RORA: variants seen among roughly 807,000 people sequenced by gnomAD.
RORA encodes nuclear receptor ROR-alpha.
Under a neutral mutation model 69.5 loss-of-function variants are expected in RORA, and 7 were observed. The observed-to-expected ratio is 0.10, with a 90% CI of 0.06 to 0.19. The LOEUF (loss-of-function observed/expected upper bound fraction) is 0.19, where lower values mean the gene tolerates loss of function less well. Among genes scored for constraint, RORA ranks in the 10% least tolerant of loss-of-function variants. RORA has a pLI of 1.00. For missense variants in RORA, 457 were observed against 663.0 expected (o/e 0.69, Z 3.41); for synonymous variants, 261 against 240.8 (o/e 1.08, Z -0.78).
chr15:61,007,100 T>C (rs956193024), intron 1 of RORA, among the ~76,000 whole-genome samples: 2 of 152,058 alleles, frequency 1.3e-5, no homozygotes, highest in African/African-American at 4.8e-5. Context: ...CTATGGCAAA[T>C]CTATTATAAC....
chr15:61,078,627 A>T (rs754159876), intron 1 of RORA, among the ~76,000 whole-genome samples: 1 of 152,240 alleles, frequency 6.6e-6, no homozygotes, highest in Non-Finnish European at 1.5e-5. Flanking sequence ...TGCAAAAGTC[A>T]TAGTAACAGT....
intron 1 of RORA, among the ~76,000 whole-genome samples, chr15:60,954,031 T>G (rs1409028843): frequency 6.6e-6 from 1 of 151,280 alleles, no homozygotes; most frequent in Non-Finnish European, 1.5e-5. Flanking sequence ...AGCAAAGACT[T>G]GGAACCAACC....
chr15:60,789,920 T>C (rs981767072), intron 1 of RORA, among the ~76,000 whole-genome samples: 1 of 152,224 alleles, frequency 6.6e-6, no homozygotes, highest in Non-Finnish European at 1.5e-5. Flanking sequence ...CAGTCTGTGA[T>C]AGGCACAGCC....
chr15:60,706,873 A>T (rs1395812471), intron 1 of RORA, among the ~76,000 whole-genome samples: 1 of 152,250 alleles, frequency 6.6e-6, no homozygotes, highest in Non-Finnish European at 1.5e-5. Flanking sequence ...AAAGCCTCCA[A>T]GAGAAAATTC....
chr15:60,941,422 G>C (rs567695815), intron 1 of RORA, among the ~76,000 whole-genome samples: 10 of 152,348 alleles, frequency 6.6e-5, no homozygotes, highest in African/African-American at 2.4e-4. Flanking sequence ...TAGGACCCCA[G>C]GGCCAAATCT....
At chr15:60,956,965 A>G (rs1893283867) in intron 1 of RORA, among the ~76,000 whole-genome samples, 1 of 152,224 alleles carries the variant, frequency 6.6e-6, no homozygotes, top group African/African-American at 2.4e-5. Flanking sequence ...TTCTGCATCT[A>G]TGAAATGGTA....
chr15:61,176,389 C>T (rs2079629674), intron 1 of RORA: 1 of 152,212 alleles, frequency 6.6e-6, no homozygotes, highest in Non-Finnish European at 1.5e-5. Flanking sequence ...GCTGGGAGAT[C>T]ACTTGCTTTT....
intron 1 of RORA, among the ~76,000 whole-genome samples, chr15:60,950,313 G>A (rs113658093): frequency 0.22 from 29,156 of 135,466 alleles, 3,617 homozygotes; most frequent in East Asian, 0.45. Flanking sequence ...AGGAACAACC[G>A]GTACCAGCCG....
intron 2 of RORA, among the ~76,000 whole-genome samples, chr15:60,651,378 G>A (rs1030502046): frequency 2.0e-5 from 3 of 152,102 alleles, no homozygotes; most frequent in African/African-American, 7.2e-5. Context: ...GGTTTGTCCA[G>A]ATTTCAACAT....
chr15:61,180,063 G>T (rs1234266460), intron 1 of RORA, among the ~76,000 whole-genome samples: 5 of 139,654 alleles, frequency 3.6e-5, no homozygotes, highest in African/African-American at 1.3e-4. Context: ...AGAATCACTT[G>T]AACCCAGGAG....
chr15:61,135,812 G>T (rs1386956842), intron 1 of RORA, among the ~76,000 whole-genome samples: 2 of 152,160 alleles, frequency 1.3e-5, no homozygotes, highest in Admixed American at 1.3e-4. Flanking sequence ...ACCACACATG[G>T]TCTCACATTA....
intron 1 of RORA, among the ~76,000 whole-genome samples, chr15:61,078,970 C>A (rs927266390): frequency 6.6e-6 from 1 of 152,154 alleles, no homozygotes; most frequent in Admixed American, 6.5e-5. Flanking sequence ...AACCCAGAGT[C>A]CATATGAATG....
At chr15:61,142,903 G>T (rs914261151) in intron 1 of RORA, among the ~76,000 whole-genome samples, 2 of 152,038 alleles carry the variant, frequency 1.3e-5, no homozygotes, top group African/African-American at 4.8e-5. Context: ...CAGCTCAAAA[G>T]CCTAAATCAT....
chr15:60,972,071 T>C lies in RORA; in HGVS notation c.166+256982A>G, dbSNP rs187118611. Among the ~76,000 whole-genome samples the C allele has an allele frequency of 8.3e-4, 127 of 152,346 alleles. 2 individuals carry two copies. The highest frequency in any genetic ancestry group is 6.8e-3 in the Middle Eastern group (2 of 294). On this transcript the variant is annotated intron_variant, in intron 1 of 10. Coordinates refer to ENST00000335670, the MANE Select transcript of RORA (RefSeq NM_134261.3). ...CTTCATCTGTTGTACAGATTAGGCTTCTCTAAGAGATCCGGGAAGAAAATA... is the reference window on the plus strand; with the variant it reads ...CTTCATCTGTTGTACAGATTAGGCTCCTCTAAGAGATCCGGGAAGAAAATA...
In RORA at chr15:60,656,805, C is replaced by T. The variant is rs339999; in HGVS notation, c.196+21852G>A. Among the ~76,000 whole-genome samples the T allele has an allele frequency of 4.2e-3, 640 of 152,330 alleles. 3 individuals are homozygous for T. The highest frequency in any genetic ancestry group is 0.014 in the African/African-American group (582 of 41,576). ...GAAAAGTAACAGATAAATCTGTTGA[C>T]CACCACTCTAGGAGGCCAAGGCCTC... On this transcript the variant is annotated intron_variant, in intron 2 of 10. Coordinates refer to ENST00000335670, the MANE Select transcript of RORA (RefSeq NM_134261.3).
At chr15:60,782,870 A>T (rs974324275) in intron 1 of RORA, among the ~76,000 whole-genome samples, 4 of 152,268 alleles carry the variant, frequency 2.6e-5, no homozygotes, top group Non-Finnish European at 5.9e-5. Context: ...CTCAAATGCT[A>T]TAGGCATTGA....
chr15:60,751,196 A>G (rs2071718402), intron 1 of RORA, among the ~76,000 whole-genome samples: 1 of 152,146 alleles, frequency 6.6e-6, no homozygotes, highest in African/African-American at 2.4e-5. Flanking sequence ...CTCTCTCTAC[A>G]ACCTGTCCAT....
At chr15:60,714,393 T>G (rs1327647563) in intron 1 of RORA, among the ~76,000 whole-genome samples, 1 of 147,626 alleles carries the variant, frequency 6.8e-6, no homozygotes, top group Non-Finnish European at 1.5e-5. Context: ...TGAGATGGAG[T>G]CTTGCTCTGT....
chr15:60,592,876 CA>C, intron 2 of RORA: 1 of 460,764 alleles, frequency 2.2e-6, no homozygotes, highest in Non-Finnish European at 4.3e-6. Flanking sequence ...TTTCTGCCCC[CA>C]CTCGGTGGGG....
Sources: gnomAD v4.1 joint callset for allele counts (sites outside exome capture counted in the v4.1 genomes callset) on GRCh38, gnomAD v4.1.1 for gene constraint, MANE v1.5 for transcripts, NCBI Gene and HGNC (gene_info 2026-07-23, HGNC 2026-07-21) for gene names.